The following NSUN6 variants were observed in gnomAD, a reference collection of about 807,000 sequenced individuals.
The protein encoded by NSUN6 is tRNA (cytosine(72)-C(5))-methyltransferase NSUN6.
In NSUN6, 64 loss-of-function variants were observed where a neutral mutation model predicts 58.0. That is an observed-to-expected ratio of 1.10 (90% CI 0.90 to 1.36). The LOEUF is 1.36. Ranked by LOEUF, NSUN6 falls within the 40% of genes most tolerant of loss-of-function variation. NSUN6 has a pLI of 0.00. For missense variants in NSUN6, 701 were observed against 550.1 expected, an observed-to-expected ratio of 1.27 and a Z score of -2.74; for synonymous variants, 231 against 193.9, an observed-to-expected ratio of 1.19 and a Z score of -1.59.
chr10:18,581,167 A>C (rs919639736), intron 8 of NSUN6, among the ~76,000 whole-genome samples: 1 of 152,076 alleles, frequency 6.6e-6, no homozygotes, highest in African/African-American at 2.4e-5. Context: ...TGTGTTTATC[A>C]GAGGCGTTTG....
intron 7 of NSUN6, among the ~76,000 whole-genome samples, chr10:18,592,159 A>T (rs79868447): frequency 1.1e-4 from 17 of 152,340 alleles, no homozygotes; most frequent in African/African-American, 4.1e-4. Context: ...AATGCAACTT[A>T]CAAGGGACAT....
chr10:18,560,128 G>A (rs989197506), intron 8 of NSUN6, among the ~76,000 whole-genome samples: 3 of 148,262 alleles, frequency 2.0e-5, no homozygotes, highest in African/African-American at 2.5e-5. Flanking sequence ...GAATGGAATC[G>A]AGAATGCAGA....
At chr10:18,561,020 T>C (rs956878801) in intron 8 of NSUN6, among the ~76,000 whole-genome samples, 10 of 148,134 alleles carry the variant, frequency 6.8e-5, no homozygotes, top group Middle Eastern at 3.4e-3. Context: ...TGGAATGGAA[T>C]GGAGAATAGA....
At chr10:18,625,478 C>T (rs1475077341) in intron 3 of NSUN6, among the ~76,000 whole-genome samples, 2 of 151,848 alleles carry the variant, frequency 1.3e-5, no homozygotes, top group South Asian at 2.1e-4. Flanking sequence ...TTTGGAAGGC[C>T]GAGGTTGGTG....
chr10:18,650,841 A>G (rs1007508190), intron 1 of NSUN6, among the ~76,000 whole-genome samples: 9 of 152,264 alleles, frequency 5.9e-5, no homozygotes, highest in Non-Finnish European at 8.8e-5. Context: ...TCTTGAAGAC[A>G]GGGACCTTTT....
intron 6 of NSUN6, among the ~76,000 whole-genome samples, chr10:18,602,239 G>C (rs12773254): frequency 0.16 from 24,260 of 149,110 alleles, 2,124 homozygotes; most frequent in Admixed American, 0.2. Flanking sequence ...ATTTTTGTGG[G>C]GTTTTTTTTT....
intron 3 of NSUN6, among the ~76,000 whole-genome samples, chr10:18,632,664 A>G (rs1371505755): frequency 3.3e-5 from 5 of 152,242 alleles, no homozygotes; most frequent in African/African-American, 1.2e-4. Flanking sequence ...AATGCTCACC[A>G]TCACTGGCCA....
intron 8 of NSUN6, among the ~76,000 whole-genome samples, chr10:18,585,074 G>A (rs561274434): frequency 2.4e-4 from 36 of 149,968 alleles, no homozygotes; most frequent in African/African-American, 8.3e-4. Flanking sequence ...GCCCAATATC[G>A]CTAATCATCA....
intron 3 of NSUN6, among the ~76,000 whole-genome samples, chr10:18,638,947 TAAA>T (rs35673571): frequency 9.3e-6 from 1 of 107,074 alleles, no homozygotes; most frequent in Admixed American, 1.1e-4. Flanking sequence ...TTGACAATGT[TAAA>T]AAAAAAAAAA....
chr10:18,553,870 T>C (rs2054784600), intron 8 of NSUN6, among the ~76,000 whole-genome samples: 2 of 139,740 alleles, frequency 1.4e-5, no homozygotes, highest in South Asian at 4.6e-4. Flanking sequence ...AGAATGAAGA[T>C]TGAACTGGAA....
At chr10:18,624,512 C>T (rs1196663925) in intron 3 of NSUN6, among the ~76,000 whole-genome samples, 5 of 151,198 alleles carry the variant, frequency 3.3e-5, no homozygotes, top group East Asian at 2.0e-4. Context: ...AAAAATTAGC[C>T]GGGCATGGTG....
At chr10:18,549,355 G>C (rs981651294) in intron 9 of NSUN6, among the ~76,000 whole-genome samples, 6 of 152,070 alleles carry the variant, frequency 3.9e-5, no homozygotes, top group Non-Finnish European at 5.9e-5. Flanking sequence ...GCAGCAGTTG[G>C]GAAAGCTCTC....
chr10:18,646,007 C>T (rs1457229315), intron 2 of NSUN6, among the ~76,000 whole-genome samples: 1 of 152,064 alleles, frequency 6.6e-6, no homozygotes, highest in Non-Finnish European at 1.5e-5. Flanking sequence ...CCAGCCTGGC[C>T]AACATGGTGA....
intron 8 of NSUN6, among the ~76,000 whole-genome samples, chr10:18,579,735 T>A (rs1472440667): frequency 6.6e-6 from 1 of 152,166 alleles, no homozygotes; most frequent in Non-Finnish European, 1.5e-5. Context: ...AAGTGGGGCT[T>A]CCAGGTTAGG....
chr10:18,559,811 A>ATGG (rs1431877252), intron 8 of NSUN6, among the ~76,000 whole-genome samples: 1 of 65,514 alleles, frequency 1.5e-5, no homozygotes, highest in East Asian at 2.5e-3. Context: ...ATAGAATGGA[A>ATGG]AAGAGAATGG....
intron 3 of NSUN6, among the ~76,000 whole-genome samples, chr10:18,627,018 C>T (rs1287325300): frequency 5.9e-5 from 9 of 152,100 alleles, no homozygotes; most frequent in African/African-American, 2.2e-4. Context: ...TCTACTGATC[C>T]AAATGTAGCC....
chr10:18,601,433 T>C (rs2057833888), intron 6 of NSUN6, among the ~76,000 whole-genome samples: 1 of 152,180 alleles, frequency 6.6e-6, no homozygotes, highest in East Asian at 1.9e-4. Context: ...CTTGAACCCT[T>C]TGTTCCAAGG....
intron 8 of NSUN6, among the ~76,000 whole-genome samples, chr10:18,577,686 C>G (rs2056718949): frequency 6.6e-6 from 1 of 152,168 alleles, no homozygotes; most frequent in Non-Finnish European, 1.5e-5. Flanking sequence ...TTCAAAGAAT[C>G]AATATGTCAG....
In NSUN6 at chr10:18,642,495, TA is replaced by T; in HGVS notation, c.291del (p.Ile98PhefsTer28). 1 of 1,537,128 alleles carries T rather than the reference TA, an allele frequency of 6.5e-7. No individual in the cohort carries two copies. Among genetic ancestry groups the T allele is most frequent in the Non-Finnish European group, 9.0e-7 (1 of 1,111,118 alleles). On this transcript the variant is annotated frameshift_variant, in exon 3 of 11. Transcript: ENST00000377304. LOFTEE classifies it high-confidence loss of function. ...LQHPDLQDVL[L>X]IPVIGPRKNI... Reference sequence around the variant, plus strand: ...ACAAACCTGGGTCCAATAACAGGAATAAGTAACACATCTTGAAGGTCTGGAT... The same window carrying T: ...ACAAACCTGGGTCCAATAACAGGAATAGTAACACATCTTGAAGGTCTGGAT...
Sources: gnomAD v4.1 joint callset for allele counts (sites outside exome capture counted in the v4.1 genomes callset) on GRCh38, gnomAD v4.1.1 for gene constraint, MANE v1.5 for transcripts, NCBI Gene and HGNC (gene_info 2026-07-23, HGNC 2026-07-21) for gene names.